ARHGAP6: variants seen among roughly 807,000 people sequenced by gnomAD.
ARHGAP6 encodes the protein Rho GTPase activating protein 6, also known as rho GTPase-activating protein 6.
A neutral mutation model predicts 55.7 loss-of-function variants in ARHGAP6; 16 were observed. That is an observed-to-expected ratio of 0.29 (90% CI 0.19 to 0.44). ARHGAP6 has a LOEUF of 0.44. ARHGAP6 is among the 20% of genes least tolerant of loss of function. The probability of loss-of-function intolerance (pLI) is 1.00; values close to 1 mark genes in which losing one functional copy is unlikely to be tolerated. For synonymous variants in ARHGAP6, 382 were observed against 360.9 expected, an observed-to-expected ratio of 1.06 and a Z score of -0.66; for missense variants, 698 against 808.9, an observed-to-expected ratio of 0.86 and a Z score of 1.66.
At chrX:11,489,027 A>C (rs1220654182) in intron 1 of ARHGAP6, among the ~76,000 whole-genome samples, 1 of 112,403 alleles carries the variant, frequency 8.9e-6, no homozygotes, top group Non-Finnish European at 1.9e-5. Context: ...TCTTATGTAG[A>C]GTAAGACATA....
chrX:11,575,746 A>T (rs193210675), intron 1 of ARHGAP6, among the ~76,000 whole-genome samples: 8 of 112,309 alleles, frequency 7.1e-5, no homozygotes, highest in African/African-American at 2.6e-4. Context: ...GAAAGCAACA[A>T]GGATTCCAGA....
chrX:11,447,615 G>T (rs1309623956), intron 1 of ARHGAP6, among the ~76,000 whole-genome samples: 3 of 112,300 alleles, frequency 2.7e-5, no homozygotes, highest in Non-Finnish European at 5.6e-5. Flanking sequence ...CTTTTTACAG[G>T]AACAGTTTGC....
chrX:11,461,671 G>A (rs929338691), intron 1 of ARHGAP6, among the ~76,000 whole-genome samples: 16 of 112,422 alleles, frequency 1.4e-4, no homozygotes, highest in African/African-American at 4.8e-4. Flanking sequence ...CGAAGCTTTG[G>A]AAACATATTT....
At chrX:11,351,487 C>T in intron 1 of ARHGAP6, 1 of 951,967 alleles carries the variant, frequency 1.1e-6, no homozygotes, top group Non-Finnish European at 1.3e-6. Context: ...CTCTAGGATT[C>T]CCCTCCATCT....
At chrX:11,523,059 G>T (rs2050950054) in intron 1 of ARHGAP6, among the ~76,000 whole-genome samples, 1 of 111,676 alleles carries the variant, frequency 9.0e-6, no homozygotes, top group Non-Finnish European at 1.9e-5. Flanking sequence ...CTTCATCCCT[G>T]GGATGCAAGG....
At chrX:11,152,379 GTACTGTAATTTACTATAATTTAGCCT>G (rs2045794282) in intron 10 of ARHGAP6, among the ~76,000 whole-genome samples, 2 of 111,722 alleles carry the variant, frequency 1.8e-5, no homozygotes, top group Non-Finnish European at 3.8e-5. Context: ...GCAGTTTAGG[GTACTGTAATTTACTATAATTTAGCCT>G]TACAGTAATC....
At chrX:11,463,574 C>A (rs1202704265) in intron 1 of ARHGAP6, among the ~76,000 whole-genome samples, 1 of 111,726 alleles carries the variant, frequency 9.0e-6, no homozygotes, top group African/African-American at 3.3e-5. Context: ...CTCCTGGACT[C>A]AAGAAATCCC....
intron 1 of ARHGAP6, among the ~76,000 whole-genome samples, chrX:11,610,896 G>C (rs1200609304): frequency 8.9e-6 from 1 of 112,119 alleles, no homozygotes; most frequent in African/African-American, 3.2e-5. Flanking sequence ...GCCTGTCCTA[G>C]GCATTTCATA....
At chrX:11,507,888 C>T (rs1010445559) in intron 1 of ARHGAP6, among the ~76,000 whole-genome samples, 1 of 111,729 alleles carries the variant, frequency 9.0e-6, no homozygotes, top group Non-Finnish European at 1.9e-5. Flanking sequence ...ACTTATAGTC[C>T]CACTGCTAAT....
At position 11,512,504 on chromosome X, in the gene ARHGAP6, G is replaced by C. The variant is rs1186980961; in HGVS notation, c.588+151737C>G. ...GACTTTGCACCTACTCTCATCAAGA[G>C]TTGGGTCTATTTCTCCACCTATGAA... is the stretch of plus-strand genomic sequence containing the variant. On this transcript the variant is annotated intron_variant, in intron 1 of 12. Coordinates refer to ENST00000337414, the MANE Select transcript of ARHGAP6 (RefSeq NM_013427.3). 2.7e-5 allele frequency among the ~76,000 whole-genome samples: 3 copies of C among 111,105 alleles called. No homozygotes were observed. The East Asian group carries it at 8.5e-4, about 31-fold the overall frequency.
intron 1 of ARHGAP6, among the ~76,000 whole-genome samples, chrX:11,582,335 T>A (rs1052052792): frequency 1.8e-5 from 2 of 111,673 alleles, no homozygotes; most frequent in Admixed American, 1.9e-4. Flanking sequence ...GAACCTCCTA[T>A]AGAGCAATGA....
At chrX:11,200,284 C>T (rs1315169261) in intron 2 of ARHGAP6, among the ~76,000 whole-genome samples, 2 of 112,569 alleles carry the variant, frequency 1.8e-5, no homozygotes, top group East Asian at 5.6e-4. Flanking sequence ...TGATAGAATA[C>T]ATCTTGGAAT....
chrX:11,539,108 C>A (rs1248351451), intron 1 of ARHGAP6, among the ~76,000 whole-genome samples: 1 of 111,177 alleles, frequency 9.0e-6, no homozygotes, highest in Non-Finnish European at 1.9e-5. Flanking sequence ...CCACCCGCCT[C>A]GGCCTCCCAA....
chrX:11,150,248 C>G (rs751933219), intron 10 of ARHGAP6, among the ~76,000 whole-genome samples: 13 of 111,765 alleles, frequency 1.2e-4, no homozygotes, highest in African/African-American at 3.9e-4. Flanking sequence ...GTTGCTGAAA[C>G]TAGTTACTGT....
At chrX:11,414,081 T>C (rs1457154089) in intron 1 of ARHGAP6, among the ~76,000 whole-genome samples, 1 of 112,356 alleles carries the variant, frequency 8.9e-6, no homozygotes, top group African/African-American at 3.2e-5. Flanking sequence ...TCTTTTGCCT[T>C]CATACTGATG....
In ARHGAP6 at chrX:11,462,612, G is replaced by A. The variant is rs1239755711; in HGVS notation, c.588+201629C>T. On this transcript the variant is annotated intron_variant, in intron 1 of 12. Transcript: ENST00000337414. ...TGTGTTTGACAATTCACTCCAAATCGATTAATTTGATTTTTATAATGAGAT... is the reference window on the plus strand; with the variant it reads ...TGTGTTTGACAATTCACTCCAAATCAATTAATTTGATTTTTATAATGAGAT... 3.6e-5 allele frequency among the ~76,000 whole-genome samples: 4 copies of A among 112,181 alleles called. No homozygotes were observed. The Admixed American group carries it at 3.8e-4, about 11-fold the overall frequency.
chrX:11,343,534 T>C (rs1296492730), intron 1 of ARHGAP6, among the ~76,000 whole-genome samples: 2 of 112,408 alleles, frequency 1.8e-5, no homozygotes, highest in Non-Finnish European at 3.8e-5. Context: ...GGGTTAATAT[T>C]CATTTGAAAT....
intron 1 of ARHGAP6, among the ~76,000 whole-genome samples, chrX:11,377,550 A>G (rs892737218): frequency 3.6e-5 from 4 of 112,414 alleles, no homozygotes; most frequent in Non-Finnish European, 7.5e-5. Flanking sequence ...AGTTAATTGT[A>G]TGGTATGTGA....
chrX:11,627,887 A>T (rs1475949395), intron 1 of ARHGAP6, among the ~76,000 whole-genome samples: 1 of 111,938 alleles, frequency 8.9e-6, no homozygotes, highest in Non-Finnish European at 1.9e-5. Context: ...GGTATATGCA[A>T]CCTTCAAGCC....
Sources: gnomAD v4.1 joint callset for allele counts (sites outside exome capture counted in the v4.1 genomes callset) on GRCh38, gnomAD v4.1.1 for gene constraint, MANE v1.5 for transcripts, NCBI Gene and HGNC (gene_info 2026-07-23, HGNC 2026-07-21) for gene names.